Variants in TAF5L observed in about 807,000 individuals in gnomAD.
TAF5L encodes the protein TAF5-like RNA polymerase II p300/CBP-associated factor-associated factor 65 kDa subunit 5L.
In TAF5L, 7 loss-of-function variants were observed where a neutral mutation model predicts 51.3. That is an observed-to-expected ratio of 0.14 (90% CI 0.08 to 0.26). TAF5L has a LOEUF of 0.26. Among genes scored for constraint, TAF5L ranks in the 10% least tolerant of loss-of-function variants. The probability of loss-of-function intolerance (pLI) is 1.00; values close to 1 mark genes in which losing one functional copy is unlikely to be tolerated. For synonymous variants in TAF5L, 291 were observed against 308.1 expected, an observed-to-expected ratio of 0.94 and a Z score of 0.58; for missense variants, 575 against 758.9, an observed-to-expected ratio of 0.76 and a Z score of 2.85.
intron 2 of TAF5L, 75 bp downstream of exon 2, chr1:229,614,266 A>C: frequency 8.7e-6 from 14 of 1,613,130 alleles, no homozygotes; most frequent in Non-Finnish European, 1.2e-5. Flanking sequence ...AGAAGAGGAG[A>C]AGTAATTCCA....
At position 229,625,174 on chromosome 1, in the gene TAF5L, CACT is replaced by C. The variant is rs1285251214; in HGVS notation, c.-4+708_-4+710del. 6.6e-6 allele frequency among the ~76,000 whole-genome samples: 1 copy of C among 152,214 alleles called. No individual in the cohort carries two copies. The highest frequency in any genetic ancestry group is 2.4e-5 in the African/African-American group (1 of 41,442). On this transcript the variant is annotated intron_variant, in intron 1 of 4. Transcript: ENST00000258281. This position sits in a 1 kb window ranked among gnomAD's most constrained non-coding sequence, Gnocchi z 4.0. ...ACTTCCGCTAAGTCTAAAATGACAC[CACT>C]GTTTCTAACCATCCACTCACTTCGG...
intron 1 of TAF5L, among the ~76,000 whole-genome samples, chr1:229,617,642 C>A (rs1665055870): frequency 6.6e-6 from 1 of 152,148 alleles, no homozygotes; most frequent in Non-Finnish European, 1.5e-5. Context: ...GGAGAACAGG[C>A]TCTGCAATGA....
chr1:229,594,340 A>T lies in TAF5L; in HGVS notation c.1727T>A (p.Leu576His). 1 of 1,611,248 alleles carries T rather than the reference A, an allele frequency of 6.2e-7. No individual in the cohort carries two copies. Residue 576 changes from leucine to histidine, a missense_variant, in exon 5 of 5, where the codon CTT becomes CAT. By Grantham distance (99) the Leu-to-His change is moderately conservative. This residue lies in a region of TAF5L where 91 missense variants were observed against 96.9 expected (regional missense o/e 0.94). Coordinates refer to ENST00000258281, the Ensembl canonical transcript of TAF5L. The surrounding 1 kb of genome is among the most constrained non-coding windows in gnomAD (Gnocchi z 7.9). ...TTGTGTAATTCCAGTCACCAGAAGAAGGTTACAGGCCATGAACTGCACGCT... is the reference window on the plus strand; with the variant it reads ...TTGTGTAATTCCAGTCACCAGAAGATGGTTACAGGCCATGAACTGCACGCT...
At chr1:229,597,244 G>A (rs1399840578) in intron 4 of TAF5L, among the ~76,000 whole-genome samples, 1 of 152,230 alleles carries the variant, frequency 6.6e-6, no homozygotes, top group Admixed American at 6.5e-5. Context: ...TGCCTCTGAG[G>A]TGTAAGTGGT....
At chr1:229,605,108 G>GTATGTGTATATATATATATATATATATA (rs1553270421) in intron 3 of TAF5L, among the ~76,000 whole-genome samples, 2 of 118,618 alleles carry the variant, frequency 1.7e-5, no homozygotes, top group African/African-American at 5.9e-5. Flanking sequence ...ATTTTTGTAT[G>GTATGTGTATATATATATATATATATATA]TATATATATA....
chr1:229,611,070 A>G (rs1352024811), intron 2 of TAF5L, among the ~76,000 whole-genome samples: 1 of 152,054 alleles, frequency 6.6e-6, no homozygotes, highest in Non-Finnish European at 1.5e-5. Flanking sequence ...GACCAGGGTG[A>G]GCAATGTCCC....
chr1:229,624,924 T>C (rs533666227), intron 1 of TAF5L, among the ~76,000 whole-genome samples: 2 of 152,244 alleles, frequency 1.3e-5, no homozygotes, highest in East Asian at 3.9e-4. Flanking sequence ...TAAGACACGC[T>C]CCGCACTTAA....
chr1:229,600,950 G>A, intron 4 of TAF5L: 1 of 985,348 alleles, frequency 1.0e-6, no homozygotes, highest in Non-Finnish European at 1.2e-6. Flanking sequence ...GAAAGCAAAT[G>A]CAGGCAGTAT....
At chr1:229,619,709 A>T (rs1449112925) in intron 1 of TAF5L, among the ~76,000 whole-genome samples, 1 of 151,954 alleles carries the variant, frequency 6.6e-6, no homozygotes, top group Non-Finnish European at 1.5e-5. Flanking sequence ...GGATTCCTTA[A>T]CTTTTTGATC....
chr1:229,614,107 G>T (rs527932873), intron 2 of TAF5L: 2 of 680,314 alleles, frequency 2.9e-6, no homozygotes, highest in African/African-American at 1.8e-5. Context: ...GGAAGGAAAT[G>T]ACTTTAGCCA....
intron 3 of TAF5L, among the ~76,000 whole-genome samples, chr1:229,604,621 C>T (rs936790748): frequency 1.3e-5 from 2 of 152,046 alleles, no homozygotes; most frequent in Admixed American, 6.6e-5. Context: ...TGATTACAGT[C>T]GATAAAAATG....
chr1:229,619,124 T>A (rs4925459), intron 1 of TAF5L, among the ~76,000 whole-genome samples: 1 of 152,090 alleles, frequency 6.6e-6, no homozygotes, highest in Admixed American at 6.5e-5. Flanking sequence ...ATTAGTTCTC[T>A]TCACTCACAG....
At chr1:229,598,993 A>G (rs1664259424) in intron 4 of TAF5L, among the ~76,000 whole-genome samples, 1 of 152,186 alleles carries the variant, frequency 6.6e-6, no homozygotes, top group South Asian at 2.1e-4. Context: ...CACCGCACCC[A>G]GCCAGATATC....
At position 229,602,424 on chromosome 1, in the gene TAF5L, C is replaced by T. The variant is rs759400306; in HGVS notation, c.743G>A (p.Arg248Gln). The change falls in exon 4 of 5, where the codon CGA becomes CAA. Residue 248 changes from arginine to glutamine, a missense_variant. By Grantham distance (43) the Arg-to-Gln change is conservative. Around this residue, in one of 3 missense-constraint regions of TAF5L, gnomAD observed 380 missense variants for 443.7 expected, o/e 0.86. Coordinates refer to ENST00000258281, the Ensembl canonical transcript of TAF5L. The surrounding 1 kb of genome is among the most constrained non-coding windows in gnomAD (Gnocchi z 4.6). ...GAGGGAGGGAGGCCCATCCTTGACT[C>T]GCTTAATGCTCTCCTGTAAGACCTC... is the stretch of plus-strand genomic sequence containing the variant. 1.4e-5 allele frequency: 23 copies of T among 1,613,982 alleles called. No individual in the cohort carries two copies. The highest frequency in any genetic ancestry group is 1.2e-4 in the African/African-American group (9 of 74,878).
At chr1:229,614,202 T>C in intron 2 of TAF5L, 139 bp downstream of exon 2, 1 of 1,396,540 alleles carries the variant, frequency 7.2e-7, no homozygotes, top group Middle Eastern at 1.8e-4. Context: ...CATCATTCAC[T>C]TAACGTAGCT....
chr1:229,596,544 G>T (rs3767328), intron 4 of TAF5L, among the ~76,000 whole-genome samples: 81,119 of 152,052 alleles, frequency 0.53, 21,891 homozygotes, highest in East Asian at 0.77. Flanking sequence ...AGAAGTGCTT[G>T]AAGCAAAGCC....
At position 229,602,879 on chromosome 1, in the gene TAF5L, G is replaced by C. The variant is rs1259184822; in HGVS notation, c.288C>G (p.Leu96=). 6.2e-7 allele frequency: 1 copy of C among 1,606,718 alleles called. No individual in the cohort carries two copies. Residue 96 remains leucine, a synonymous_variant, in exon 4 of 5, where the codon CTC becomes CTG. Transcript: ENST00000258281. This position sits in a 1 kb window ranked among gnomAD's most constrained non-coding sequence, Gnocchi z 4.6. ...GATGGAGGTAGACAAAGAGAGGATAGAGGAGAGGCATCACTTCGTGGCTAT... is the reference window on the plus strand; with the variant it reads ...GATGGAGGTAGACAAAGAGAGGATACAGGAGAGGCATCACTTCGTGGCTAT...
chr1:229,601,870 A>G (rs985033734), intron 4 of TAF5L: 10 of 1,102,236 alleles, frequency 9.1e-6, no homozygotes, highest in African/African-American at 4.9e-5. Context: ...GTGCACACAC[A>G]TAAGTGTATA....
At chr1:229,598,807 T>C (rs1664232928) in intron 4 of TAF5L, among the ~76,000 whole-genome samples, 1 of 151,962 alleles carries the variant, frequency 6.6e-6, no homozygotes, top group South Asian at 2.1e-4. Context: ...CAAGTGATTC[T>C]CCTGCCTCAG....
Sources: allele counts gnomAD v4.1 joint callset (sites outside exome capture counted in the v4.1 genomes callset), GRCh38; gene constraint gnomAD v4.1.1; regional missense constraint gnomAD v4.1.1; non-coding constraint Gnocchi (gnomAD v3.1); transcripts MANE v1.5; gene names NCBI Gene and HGNC (gene_info 2026-07-23, HGNC 2026-07-21).